The following VPS53 variants were observed in gnomAD, a reference collection of about 807,000 sequenced individuals.
VPS53 encodes the protein VPS53 subunit of GARP complex, also known as vacuolar protein sorting-associated protein 53 homolog.
A neutral mutation model predicts 107.0 loss-of-function variants in VPS53; 70 were observed. That is an observed-to-expected ratio of 0.65 (90% CI 0.54 to 0.80). The LOEUF (loss-of-function observed/expected upper bound fraction) is 0.80. Ranked by LOEUF, VPS53 falls within the 30% of genes least tolerant of loss-of-function variation. The pLI is 0.00. For missense variants in VPS53, 917 were observed against 1,049.4 expected (o/e 0.87, Z 1.74); for synonymous variants, 409 against 393.3 (o/e 1.04, Z -0.47).
intron 13 of VPS53, among the ~76,000 whole-genome samples, chr17:571,339 C>G (rs893517854): frequency 6.6e-6 from 1 of 152,098 alleles, no homozygotes; most frequent in African/African-American, 2.4e-5. Flanking sequence ...CATGCAGTGT[C>G]TGTGCATTAC....
intron 6 of VPS53, among the ~76,000 whole-genome samples, chr17:654,072 G>C (rs1449069659): frequency 6.6e-6 from 1 of 152,198 alleles, no homozygotes; most frequent in Non-Finnish European, 1.5e-5. Context: ...GTGGATGCCT[G>C]TAATCCCAGC....
Position 551,855 on chromosome 17 carries a change from AT to A in VPS53, c.1866+16del. Reference sequence around the variant, plus strand: ...TGCTCTCGTTAGTTTGTAGGATGCCATTTCCCAAGACCTTACCTTGCTCATG... The same window carrying A: ...TGCTCTCGTTAGTTTGTAGGATGCCATTCCCAAGACCTTACCTTGCTCATG... On this transcript the variant is annotated intron_variant, in intron 17 of 21. Transcript: ENST00000437048. 6.3e-7 allele frequency: 1 copy of A among 1,574,886 alleles called. No homozygotes were observed. The highest frequency in any genetic ancestry group is 8.6e-7 in the Non-Finnish European group (1 of 1,157,628).
rs755384286 is a variant in VPS53 at position 517,326 on chromosome 17, A to G, written c.*1802T>C. 242 of 397,454 alleles carry G rather than the reference A, an allele frequency of 6.1e-4. 1 individual carries two copies. The highest frequency in any genetic ancestry group is 1.3e-3 in the Middle Eastern group (2 of 1,576). 24.6% of individuals were successfully genotyped at this position (397,454 alleles called of 1,614,324 possible). On this transcript the variant is annotated 3_prime_UTR_variant, in exon 22 of 22. Transcript: ENST00000437048. ...GCTAGCAAGGACAGCCTGGAAGCCGATGAAGAAATGACACTCAGGATCAGA... is the reference window on the plus strand; with the variant it reads ...GCTAGCAAGGACAGCCTGGAAGCCGGTGAAGAAATGACACTCAGGATCAGA...
intron 13 of VPS53, among the ~76,000 whole-genome samples, chr17:580,946 C>T (rs560030535): frequency 4.0e-5 from 6 of 151,548 alleles, no homozygotes; most frequent in Middle Eastern, 6.8e-3. Context: ...AATGGGTACC[C>T]AGAGAACCTC....
chr17:528,759 C>T (rs1909308633), intron 19 of VPS53, among the ~76,000 whole-genome samples: 1 of 151,928 alleles, frequency 6.6e-6, no homozygotes, highest in Non-Finnish European at 1.5e-5. Flanking sequence ...CCACCATGTA[C>T]AGCTAATTTT....
chr17:546,329 TCACACACACACACACACA>T (rs71371545), intron 17 of VPS53, among the ~76,000 whole-genome samples: 12 of 131,976 alleles, frequency 9.1e-5, no homozygotes, highest in African/African-American at 2.9e-4. Flanking sequence ...CTTAGATATC[TCACACACACACACACACA>T]CACACACACA....
chr17:571,817 T>G (rs945289150), intron 13 of VPS53, among the ~76,000 whole-genome samples: 14 of 152,260 alleles, frequency 9.2e-5, no homozygotes, highest in Non-Finnish European at 1.9e-4. Flanking sequence ...GGTGCCGGGA[T>G]TGCAGACGGT....
chr17:551,104 C>T (rs1169619023), intron 17 of VPS53, among the ~76,000 whole-genome samples: 3 of 151,330 alleles, frequency 2.0e-5, no homozygotes, highest in Non-Finnish European at 4.4e-5. Context: ...TTTTAATTAA[C>T]AAAAATGAAT....
At chr17:540,752 G>C (rs1910570461) in intron 17 of VPS53, among the ~76,000 whole-genome samples, 1 of 152,196 alleles carries the variant, frequency 6.6e-6, no homozygotes. Context: ...TTTGAAGACA[G>C]TAAGAATGAT....
At chr17:623,718 T>A (rs778834673) in intron 10 of VPS53, 44 bp from the exon 11 acceptor site, 32 of 1,577,666 alleles carry the variant, frequency 2.0e-5, no homozygotes, top group Non-Finnish European at 2.7e-5. Context: ...AAGCTGATCA[T>A]TCATTCAGTA....
At chr17:614,376 T>A (rs975672788) in intron 11 of VPS53, among the ~76,000 whole-genome samples, 6 of 152,188 alleles carry the variant, frequency 3.9e-5, no homozygotes, top group Non-Finnish European at 5.9e-5. Context: ...ACCCAAATCC[T>A]CATCTCTGAT....
chr17:627,442 G>C (rs1969761722), intron 9 of VPS53, 126 bp from the exon 10 acceptor site: 1 of 1,231,780 alleles, frequency 8.1e-7, no homozygotes, highest in African/African-American at 1.5e-5. Flanking sequence ...TGGTTTTAAA[G>C]AATCTAGGCT....
chr17:562,555 G>A lies in VPS53; in HGVS notation c.1504C>T (p.Gln502Ter). ...CAGGCGTATTCTCGGAGGTACTTCT[G>A]GAAAATGGTGGTCAGGGCGATCATG... ...EPMIALTTIF[Q>*]KYLREYAWKI... The change falls in exon 14 of 22, where the codon CAG becomes TAG. Residue 502 changes from glutamine (Q) to a stop codon, truncating the protein, a stop_gained. Transcript: ENST00000437048. LOFTEE classifies it high-confidence loss of function. 4 of 1,614,024 alleles carry A rather than the reference G, an allele frequency of 2.5e-6. No homozygotes were observed. Among genetic ancestry groups the A allele is most frequent in the Non-Finnish European group, 3.4e-6 (4 of 1,179,994 alleles).
At chr17:637,311 C>T (rs1970237968) in intron 7 of VPS53, among the ~76,000 whole-genome samples, 3 of 151,942 alleles carry the variant, frequency 2.0e-5, no homozygotes, top group South Asian at 4.2e-4. Flanking sequence ...TCTCTCTTTT[C>T]TTCTTTATTA....
chr17:543,461 T>C (rs1400577501), intron 17 of VPS53, among the ~76,000 whole-genome samples: 1 of 152,000 alleles, frequency 6.6e-6, no homozygotes, highest in Admixed American at 6.6e-5. Flanking sequence ...GGCAAAACAC[T>C]AGGTGTGTTT....
intron 4 of VPS53, among the ~76,000 whole-genome samples, chr17:684,814 C>T (rs1972525481): frequency 6.6e-6 from 1 of 151,858 alleles, no homozygotes; most frequent in African/African-American, 2.4e-5. Context: ...AATTAAACCC[C>T]GTCCCTACTA....
At chr17:693,645 G>C (rs988893116) in intron 4 of VPS53, among the ~76,000 whole-genome samples, 1 of 152,120 alleles carries the variant, frequency 6.6e-6, no homozygotes, top group African/African-American at 2.4e-5. Context: ...AAGGTGGGAG[G>C]ATCACTTGGC....
Position 562,561 on chromosome 17 carries a change from T to C in VPS53, c.1498A>G (p.Ile500Val). Reference sequence around the variant, plus strand: ...TATTCTCGGAGGTACTTCTGGAAAATGGTGGTCAGGGCGATCATGGGCTCC... The same window carrying C: ...TATTCTCGGAGGTACTTCTGGAAAACGGTGGTCAGGGCGATCATGGGCTCC... ...TGEPMIALTT[I>V]FQKYLREYAW... Residue 500 changes from isoleucine to valine, a missense_variant, in exon 14 of 22, where the codon ATT (isoleucine) becomes GTT (valine). By Grantham distance (29) the Ile-to-Val change is conservative. Coordinates refer to ENST00000437048, the MANE Select transcript of VPS53 (RefSeq NM_001128159.3). The C allele has an allele frequency of 1.2e-6, 2 of 1,613,768 alleles. No individual in the cohort carries two copies. The highest frequency in any genetic ancestry group is 1.7e-6 in the Non-Finnish European group (2 of 1,179,928).
intron 7 of VPS53, among the ~76,000 whole-genome samples, chr17:641,375 C>G (rs550129331): frequency 2.4e-4 from 37 of 152,244 alleles, no homozygotes; most frequent in African/African-American, 7.7e-4. Context: ...TTCCTTTAAA[C>G]TCCTTCCTCT....
Sources: gnomAD v4.1 joint callset for allele counts (sites outside exome capture counted in the v4.1 genomes callset) on GRCh38, gnomAD v4.1.1 for gene constraint, MANE v1.5 for transcripts, NCBI Gene and HGNC (gene_info 2026-07-23, HGNC 2026-07-21) for gene names.